Variants in BICD1 observed in about 807,000 individuals in gnomAD.
The protein encoded by BICD1 is BICD cargo adaptor 1, also known as protein bicaudal D homolog 1.
BICD1 carries 35 observed loss-of-function variants against 92.5 expected under a neutral mutation model. That is an observed-to-expected ratio of 0.38 (90% confidence interval 0.29 to 0.50). The LOEUF (loss-of-function observed/expected upper bound fraction) is 0.50, where lower values mean the gene tolerates loss of function less well. BICD1 is among the 20% of genes least tolerant of loss of function. The pLI is 0.93. For missense variants in BICD1, 950 were observed against 1,189.8 expected, an observed-to-expected ratio of 0.80 and a Z score of 2.97; for synonymous variants, 429 against 465.1, an observed-to-expected ratio of 0.92 and a Z score of 1.00.
intron 2 of BICD1, among the ~76,000 whole-genome samples, chr12:32,256,983 G>C (rs1239400): frequency 0.29 from 44,610 of 152,034 alleles, 7,730 homozygotes; most frequent in Non-Finnish European, 0.4. Context: ...GAGAGGCCAA[G>C]GCGGGCGGAT....
chr12:32,374,565 CTTCT>C (rs1939857361), intron 9 of BICD1, among the ~76,000 whole-genome samples: 2 of 118,162 alleles, frequency 1.7e-5, no homozygotes, highest in Non-Finnish European at 3.5e-5. Flanking sequence ...TCTTTTCTTT[CTTCT>C]TTTTTTTTTT....
At chr12:32,320,157 G>A (rs371699075) in intron 4 of BICD1, among the ~76,000 whole-genome samples, 8 of 152,072 alleles carry the variant, frequency 5.3e-5, no homozygotes, top group Non-Finnish European at 7.4e-5. Context: ...TGTGCATATC[G>A]ATGCTATGTA....
rs151004564 is a variant in BICD1 at position 32,361,902 on chromosome 12, G to A, written c.2765-5768G>A. On this transcript the variant is annotated intron_variant, in intron 8 of 9. Transcript: ENST00000652176. ...TGGCTGGGTTTGGTCTCCACAGATG[G>A]GCTTTCACTCACATGGTGCTCACCA... 3.3e-3 allele frequency among the ~76,000 whole-genome samples: 509 copies of A among 152,274 alleles called. 1 individual carries two copies. Among genetic ancestry groups the A allele is most frequent in the Middle Eastern group, 6.8e-3 (2 of 294 alleles).
Position 32,243,264 on chromosome 12 carries a change from A to ATT in BICD1, c.426+26825_426+26826dup, listed in dbSNP as rs71068310. ...AGGCACGCCCCACCATGCCTGGCTA[A>ATT]TTTTTTTTTTTTTTTTTTTTTGTAT... On this transcript the variant is annotated intron_variant, in intron 2 of 9. Transcript: ENST00000652176. 1.4e-3 allele frequency among the ~76,000 whole-genome samples: 101 copies of ATT among 74,026 alleles called. 1 individual carries two copies. Among genetic ancestry groups the ATT allele is most frequent in the African/African-American group, 4.5e-3 (74 of 16,272 alleles). The allele number at this position is 74,026 out of a possible 152,430, so 48.6% of individuals were successfully genotyped here.
intron 1 of BICD1, among the ~76,000 whole-genome samples, chr12:32,118,878 C>CT (rs1481796712): frequency 6.6e-6 from 1 of 152,220 alleles, no homozygotes; most frequent in Non-Finnish European, 1.5e-5. Context: ...GTGCCACTTG[C>CT]TGGAGATACA....
At chr12:32,240,189 A>G (rs1946196117) in intron 2 of BICD1, among the ~76,000 whole-genome samples, 1 of 152,182 alleles carries the variant, frequency 6.6e-6, no homozygotes. Flanking sequence ...TGATTCCCCA[A>G]GGACCAATTT....
At chr12:32,202,761 C>G (rs1171625825) in intron 1 of BICD1, among the ~76,000 whole-genome samples, 1 of 152,066 alleles carries the variant, frequency 6.6e-6, no homozygotes. Context: ...CAGGTGTGCA[C>G]CACCATGCCT....
chr12:32,206,833 T>C (rs1217447574), intron 1 of BICD1, among the ~76,000 whole-genome samples: 2 of 152,190 alleles, frequency 1.3e-5, no homozygotes, highest in Non-Finnish European at 2.9e-5. Flanking sequence ...CTGCAGTTTA[T>C]CTACTACATT....
At chr12:32,377,196 T>C (rs917955786) in intron 9 of BICD1, among the ~76,000 whole-genome samples, 2 of 152,042 alleles carry the variant, frequency 1.3e-5, no homozygotes, top group Non-Finnish European at 2.9e-5. Context: ...TCTCATGAAA[T>C]CTTACAGCTA....
At chr12:32,293,875 C>A in intron 2 of BICD1, 119 bp from the exon 3 acceptor site, 1 of 1,009,820 alleles carries the variant, frequency 9.9e-7, no homozygotes, top group Non-Finnish European at 1.4e-6. Flanking sequence ...CGAAAAAATG[C>A]AGTAACAATT....
intron 8 of BICD1, among the ~76,000 whole-genome samples, chr12:32,349,278 C>G (rs1387340694): frequency 6.6e-6 from 1 of 152,170 alleles, no homozygotes; most frequent in East Asian, 1.9e-4. Context: ...ATAACAACCA[C>G]CTCTATTACA....
At chr12:32,232,782 G>A (rs1945930942) in intron 2 of BICD1, among the ~76,000 whole-genome samples, 1 of 152,080 alleles carries the variant, frequency 6.6e-6, no homozygotes, top group South Asian at 2.1e-4. Flanking sequence ...GTAAGGAAGG[G>A]ATCCAGTTTC....
chr12:32,221,015 A>G (rs1389445831), intron 2 of BICD1, among the ~76,000 whole-genome samples: 3 of 146,558 alleles, frequency 2.0e-5, no homozygotes, highest in African/African-American at 2.5e-5. Context: ...AACACCGCAT[A>G]TTCTCACTCA....
At chr12:32,291,962 T>C (rs572912360) in intron 2 of BICD1, among the ~76,000 whole-genome samples, 27 of 152,324 alleles carry the variant, frequency 1.8e-4, no homozygotes, top group African/African-American at 6.0e-4. Flanking sequence ...ATGTTTCTAG[T>C]GCTTGCAGAT....
intron 8 of BICD1, among the ~76,000 whole-genome samples, chr12:32,350,423 G>A (rs986560442): frequency 3.3e-5 from 5 of 152,170 alleles, no homozygotes; most frequent in Non-Finnish European, 1.5e-5. Context: ...GCTGCAGTGA[G>A]CTGTGATTGC....
chr12:32,373,653 A>C (rs942139253), intron 9 of BICD1, among the ~76,000 whole-genome samples: 10 of 152,000 alleles, frequency 6.6e-5, no homozygotes, highest in Non-Finnish European at 1.3e-4. Context: ...CGGGTGGATC[A>C]CAAGGTCAGG....
intron 3 of BICD1, among the ~76,000 whole-genome samples, chr12:32,296,932 A>G (rs1324728808): frequency 6.6e-6 from 1 of 152,228 alleles, no homozygotes; most frequent in Non-Finnish European, 1.5e-5. Context: ...TCCAATGGTT[A>G]ACTCAGAAGT....
intron 1 of BICD1, among the ~76,000 whole-genome samples, chr12:32,151,566 C>T (rs1322641006): frequency 6.6e-6 from 1 of 152,218 alleles, no homozygotes; most frequent in Non-Finnish European, 1.5e-5. Context: ...TCTCAGGCAT[C>T]CCTAGCTTAT....
intron 1 of BICD1, among the ~76,000 whole-genome samples, chr12:32,156,413 G>A (rs1365287007): frequency 6.6e-6 from 1 of 152,140 alleles, no homozygotes; most frequent in Non-Finnish European, 1.5e-5. Flanking sequence ...AATTAATAAA[G>A]AGATATAGCC....
Sources: gnomAD v4.1 joint callset for allele counts (sites outside exome capture counted in the v4.1 genomes callset) on GRCh38, gnomAD v4.1.1 for gene constraint, MANE v1.5 for transcripts, NCBI Gene and HGNC (gene_info 2026-07-23, HGNC 2026-07-21) for gene names.